Variants in SAMD12 observed in about 807,000 individuals in gnomAD.
The protein encoded by SAMD12 is sterile alpha motif domain containing 12.
In SAMD12, 9 loss-of-function variants were observed where a neutral mutation model predicts 15.0. The ratio of observed to expected loss-of-function variants is 0.60; its 90% CI spans 0.36 to 1.05. The LOEUF (loss-of-function observed/expected upper bound fraction) is 1.05, where lower values mean the gene tolerates loss of function less well. Among genes scored for constraint, SAMD12 ranks in the 50% least tolerant of loss-of-function variants. The probability of loss-of-function intolerance (pLI) is 0.01; values close to 1 mark genes in which losing one functional copy is unlikely to be tolerated. For missense variants in SAMD12, 230 were observed against 234.2 expected (o/e 0.98, Z 0.12); for synonymous variants, 86 against 90.1 (o/e 0.96, Z 0.25).
At chr8:118,404,090 C>T (rs921270038) in intron 3 of SAMD12, among the ~76,000 whole-genome samples, 1 of 152,186 alleles carries the variant, frequency 6.6e-6, no homozygotes, top group Non-Finnish European at 1.5e-5. Flanking sequence ...ACAAGCAGTC[C>T]TTCCATCTCA....
At chr8:118,495,261 T>G (rs373534087) in intron 2 of SAMD12, among the ~76,000 whole-genome samples, 1 of 152,142 alleles carries the variant, frequency 6.6e-6, no homozygotes, top group African/African-American at 2.4e-5. Flanking sequence ...TAGGACTGAC[T>G]TGAATCTTGG....
rs190619080 is a variant in SAMD12, at chr8:118,614,751, G to A, written c.13+7053C>T. Among the ~76,000 whole-genome samples the A allele has an allele frequency of 1.4e-4, 21 of 152,322 alleles. No homozygotes were observed. The East Asian group carries it at 2.9e-3, about 21-fold the overall frequency. On this transcript the variant is annotated intron_variant, in intron 1 of 3. Coordinates refer to ENST00000314727, the MANE Select transcript of SAMD12 (RefSeq NM_207506.3). ...GCTGAAGGCAGTGAGGTGGGCCACC[G>A]CTGTCACCCAACAGCTGCTGTCCTG...
intron 4 of SAMD12, among the ~76,000 whole-genome samples, chr8:118,251,058 T>C (rs1812808536): frequency 6.6e-6 from 1 of 152,098 alleles, no homozygotes; most frequent in Non-Finnish European, 1.5e-5. Context: ...TTGCACAGCT[T>C]AATCCTGAGG....
At chr8:118,386,195 T>A (rs546858341) in intron 3 of SAMD12, among the ~76,000 whole-genome samples, 5 of 152,304 alleles carry the variant, frequency 3.3e-5, no homozygotes, top group Admixed American at 2.0e-4. Context: ...AAGTTCAGCA[T>A]CTGTTCCATT....
At chr8:118,533,485 T>C (rs1340487289) in intron 2 of SAMD12, among the ~76,000 whole-genome samples, 1 of 152,224 alleles carries the variant, frequency 6.6e-6, no homozygotes, top group Non-Finnish European at 1.5e-5. Context: ...GTTCAGTTCC[T>C]GGACATCCTT....
rs189542039 is a variant in SAMD12, at chr8:118,344,210, T to C, written c.433+35350A>G. Among the ~76,000 whole-genome samples the C allele has an allele frequency of 4.4e-4, 67 of 152,338 alleles. 1 individual carries two copies. In the East Asian group the frequency reaches 0.013, roughly 29 times the overall value. ...CATTCTGTTTTAACTCCCCCTATCC[T>C]GCTCAGGTTGAACTAATGTGGGAAG... On this transcript the variant is annotated intron_variant, in intron 4 of 4. Coordinates refer to the SAMD12 transcript ENST00000409003.
chr8:118,272,202 C>T (rs938440397), intron 4 of SAMD12, among the ~76,000 whole-genome samples: 1 of 152,236 alleles, frequency 6.6e-6, no homozygotes, highest in Non-Finnish European at 1.5e-5. Context: ...TCTCTGTGTA[C>T]CCACAGGCTC....
intron 4 of SAMD12, among the ~76,000 whole-genome samples, chr8:118,254,510 T>C (rs537251674): frequency 1.3e-5 from 2 of 152,282 alleles, no homozygotes; most frequent in South Asian, 2.1e-4. Flanking sequence ...CCAGGCTTTT[T>C]GGAGACAATA....
At chr8:118,491,190 C>G (rs1328297694) in intron 2 of SAMD12, among the ~76,000 whole-genome samples, 1 of 152,158 alleles carries the variant, frequency 6.6e-6, no homozygotes, top group African/African-American at 2.4e-5. Context: ...AAACTGAGTT[C>G]TTTCTCACTT....
chr8:118,600,107 G>A (rs1216521134), intron 1 of SAMD12, among the ~76,000 whole-genome samples: 1 of 152,180 alleles, frequency 6.6e-6, no homozygotes, highest in Non-Finnish European at 1.5e-5. Context: ...AGGGTCTTTA[G>A]ATGTCAGTGA....
chr8:118,329,338 T>C (rs1816707919), intron 4 of SAMD12, among the ~76,000 whole-genome samples: 2 of 152,158 alleles, frequency 1.3e-5, no homozygotes, highest in South Asian at 4.1e-4. Flanking sequence ...TAAATGATCA[T>C]ATATAAAGGA....
chr8:118,528,415 C>T (rs1021821516), intron 2 of SAMD12, among the ~76,000 whole-genome samples: 1 of 152,162 alleles, frequency 6.6e-6, no homozygotes, highest in African/African-American at 2.4e-5. Context: ...GGATTAATTT[C>T]TTCCTGATAT....
chr8:118,619,806 A>C (rs1344801945), intron 1 of SAMD12, among the ~76,000 whole-genome samples: 2 of 152,076 alleles, frequency 1.3e-5, no homozygotes, highest in Non-Finnish European at 2.9e-5. Context: ...CAGAAGAAAA[A>C]GGAGGGCTGG....
chr8:118,436,295 ATTTAATCT>A (rs1315288304), intron 3 of SAMD12, among the ~76,000 whole-genome samples: 7 of 152,216 alleles, frequency 4.6e-5, no homozygotes, highest in Non-Finnish European at 8.8e-5. Context: ...TCATCATCCC[ATTTAATCT>A]TCCCCCAAAT....
chr8:118,371,279 T>C (rs1255054877), intron 4 of SAMD12, among the ~76,000 whole-genome samples: 2 of 152,176 alleles, frequency 1.3e-5, no homozygotes, highest in African/African-American at 2.4e-5. Flanking sequence ...GTCAGAAATA[T>C]ATTTAACTCT....
At chr8:118,385,297 C>A (rs1819892925) in intron 3 of SAMD12, among the ~76,000 whole-genome samples, 1 of 152,078 alleles carries the variant, frequency 6.6e-6, no homozygotes, top group Non-Finnish European at 1.5e-5. Context: ...AGTTGAAGGC[C>A]TGAGTAGAAC....
chr8:118,365,336 T>A (rs62532688), intron 4 of SAMD12, among the ~76,000 whole-genome samples: 35,212 of 152,140 alleles, frequency 0.23, 4,296 homozygotes, highest in African/African-American at 0.29. Flanking sequence ...TGTACCTGTG[T>A]GGGTATTTCC....
At chr8:118,340,930 A>C (rs1473976005) in intron 4 of SAMD12, among the ~76,000 whole-genome samples, 1 of 152,206 alleles carries the variant, frequency 6.6e-6, no homozygotes, top group Non-Finnish European at 1.5e-5. Context: ...CTGGAAAGGC[A>C]TTCTCTTGTT....
At chr8:118,475,449 C>A (rs765275020) in intron 2 of SAMD12, among the ~76,000 whole-genome samples, 8 of 152,138 alleles carry the variant, frequency 5.3e-5, no homozygotes, top group Admixed American at 5.2e-4. Context: ...TCTTTCTTTA[C>A]AAATTACCCA....
Sources: gnomAD v4.1 joint callset for allele counts (sites outside exome capture counted in the v4.1 genomes callset) on GRCh38, gnomAD v4.1.1 for gene constraint, MANE v1.5 for transcripts, NCBI Gene and HGNC (gene_info 2026-07-23, HGNC 2026-07-21) for gene names.